KLF12: variants seen among roughly 807,000 people sequenced by gnomAD.
KLF12 encodes Krueppel-like factor 12.
KLF12 carries 9 observed loss-of-function variants against 37.8 expected under a neutral mutation model. The ratio of observed to expected loss-of-function variants is 0.24; its 90% CI spans 0.14 to 0.42. The LOEUF is 0.42. KLF12 is among the 10% of genes least tolerant of loss of function. The pLI is 1.00. For missense variants in KLF12, 411 were observed against 516.0 expected, an observed-to-expected ratio of 0.80 and a Z score of 1.97; for synonymous variants, 208 against 202.1, an observed-to-expected ratio of 1.03 and a Z score of -0.25.
At chr13:74,006,981 C>T (rs574462318) in intron 1 of KLF12, among the ~76,000 whole-genome samples, 3 of 152,186 alleles carry the variant, frequency 2.0e-5, no homozygotes, top group African/African-American at 4.8e-5. Flanking sequence ...TTTTCCAGTA[C>T]GTCTCAATTT....
chr13:73,912,243 T>C lies in KLF12; in HGVS notation c.123+31738A>G, dbSNP rs548886287. On this transcript the variant is annotated intron_variant, in intron 3 of 7. Coordinates refer to ENST00000377669, the MANE Select transcript of KLF12 (RefSeq NM_007249.5). ...TCAGCCCACAGGTGTGGGTTCCCAC[T>C]GTGTGGCCTTCCTTTAAGCAACTCC... 2.0e-4 allele frequency among the ~76,000 whole-genome samples: 30 copies of C among 152,312 alleles called. 1 individual carries two copies. Among genetic ancestry groups the C allele is most frequent in the Middle Eastern group, 3.4e-3 (1 of 294 alleles).
intron 6 of KLF12, among the ~76,000 whole-genome samples, chr13:73,742,724 A>G (rs1011902109): frequency 1.3e-5 from 2 of 152,192 alleles, no homozygotes; most frequent in African/African-American, 4.8e-5. Flanking sequence ...TAAGTAGATT[A>G]AGTTTGACCT....
chr13:73,908,422 C>A (rs143791289), intron 3 of KLF12, among the ~76,000 whole-genome samples: 5,081 of 147,662 alleles, frequency 0.034, 180 homozygotes, highest in African/African-American at 0.094. Context: ...AACAAACAAA[C>A]AAAAAAATTA....
intron 4 of KLF12, among the ~76,000 whole-genome samples, chr13:73,835,925 A>G (rs1259397372): frequency 6.6e-6 from 1 of 152,166 alleles, no homozygotes; most frequent in Non-Finnish European, 1.5e-5. Flanking sequence ...TGTAAACTAG[A>G]GCTGGCTTTT....
chr13:74,141,685 A>T, the KLF12 span, among the ~76,000 whole-genome samples: 1 of 152,180 alleles, frequency 6.6e-6, no homozygotes, highest in Admixed American at 6.5e-5. Context: ...GTAGGAAGAA[A>T]AAAAAGGCTA....
At chr13:73,775,833 C>T (rs575401490) in intron 5 of KLF12, among the ~76,000 whole-genome samples, 7 of 152,142 alleles carry the variant, frequency 4.6e-5, no homozygotes, top group Non-Finnish European at 1.0e-4. Context: ...TAAAAAGAGG[C>T]AAAGTTAAAG....
At chr13:73,774,428 A>C (rs888401822) in intron 5 of KLF12, among the ~76,000 whole-genome samples, 1 of 152,024 alleles carries the variant, frequency 6.6e-6, no homozygotes, top group Admixed American at 6.5e-5. Context: ...GGTTCTTTGG[A>C]CCTGCATCGG....
At chr13:73,701,152 A>G (rs1169406257) in intron 7 of KLF12, among the ~76,000 whole-genome samples, 1 of 152,186 alleles carries the variant, frequency 6.6e-6, no homozygotes, top group African/African-American at 2.4e-5. Context: ...TCCTATGAAA[A>G]GAGTTGGCTG....
At chr13:73,898,452 G>A (rs1196918140) in intron 3 of KLF12, among the ~76,000 whole-genome samples, 1 of 152,170 alleles carries the variant, frequency 6.6e-6, no homozygotes, top group Non-Finnish European at 1.5e-5. Context: ...TTTAATGACA[G>A]TCATAAATAT....
the KLF12 span, among the ~76,000 whole-genome samples, chr13:74,215,812 T>C: frequency 6.6e-6 from 1 of 152,244 alleles, no homozygotes; most frequent in Non-Finnish European, 1.5e-5. Flanking sequence ...CACAGAAAGG[T>C]TGTGGGGAGG....
chr13:73,865,715 A>C (rs1235970028), intron 3 of KLF12, among the ~76,000 whole-genome samples: 1 of 152,220 alleles, frequency 6.6e-6, no homozygotes. Context: ...GTTATCCAAC[A>C]TGTACTTTAA....
At chr13:74,275,810 CTTT>C in the KLF12 span, among the ~76,000 whole-genome samples, 1 of 77,576 alleles carries the variant, frequency 1.3e-5, no homozygotes. Flanking sequence ...TTCTTTCCTT[CTTT>C]CTTTCTTTCT....
chr13:74,146,243 C>A, the KLF12 span, among the ~76,000 whole-genome samples: 1 of 152,200 alleles, frequency 6.6e-6, no homozygotes, highest in Non-Finnish European at 1.5e-5. Flanking sequence ...GGAATACAGA[C>A]TTTCCTGCCG....
intron 2 of KLF12, among the ~76,000 whole-genome samples, chr13:73,972,189 C>T (rs1041767566): frequency 6.6e-6 from 1 of 151,992 alleles, no homozygotes; most frequent in African/African-American, 2.4e-5. Flanking sequence ...AGATTTAAAC[C>T]ACAGACGAAG....
At position 73,693,880 on chromosome 13, in the gene KLF12, A is replaced by C. The variant is rs1361736768; in HGVS notation, c.*1610T>G. 6.6e-6 allele frequency: 1 copy of C among 152,560 alleles called. No individual in the cohort carries two copies. The highest frequency in any genetic ancestry group is 1.5e-5 in the Non-Finnish European group (1 of 68,020). 9.5% of individuals were successfully genotyped at this position (152,560 alleles called of 1,614,324 possible). ...AACCCAGCTTGTGGTGGGGACAAAA[A>C]TATGGTAATTTTTCTGAAAGAATGC... On this transcript the variant is annotated 3_prime_UTR_variant, in exon 8 of 8. Transcript: ENST00000377669.
chr13:74,266,582 G>C, the KLF12 span, among the ~76,000 whole-genome samples: 1 of 152,156 alleles, frequency 6.6e-6, no homozygotes, highest in Non-Finnish European at 1.5e-5. Context: ...CTACGCTGCT[G>C]TTCTCTCTCA....
At chr13:74,016,163 A>G (rs1222039625) in intron 1 of KLF12, among the ~76,000 whole-genome samples, 1 of 152,222 alleles carries the variant, frequency 6.6e-6, no homozygotes, top group Non-Finnish European at 1.5e-5. Context: ...ATGGACCAAA[A>G]ACAAACAAAA....
At chr13:73,805,722 T>G (rs549814374) in intron 5 of KLF12, among the ~76,000 whole-genome samples, 9 of 148,614 alleles carry the variant, frequency 6.1e-5, no homozygotes, top group African/African-American at 1.7e-4. Flanking sequence ...GGGGAAAAGA[T>G]TGCAATTGTT....
intron 4 of KLF12, among the ~76,000 whole-genome samples, chr13:73,836,559 C>T (rs1884444313): frequency 1.3e-5 from 2 of 152,064 alleles, no homozygotes; most frequent in East Asian, 1.9e-4. Context: ...AGTATAGATG[C>T]CAAAATAATT....
Sources: gnomAD v4.1 joint callset for allele counts (sites outside exome capture counted in the v4.1 genomes callset) on GRCh38, gnomAD v4.1.1 for gene constraint, MANE v1.5 for transcripts, NCBI Gene and HGNC (gene_info 2026-07-23, HGNC 2026-07-21) for gene names.